Variants in TECPR2 observed in about 807,000 individuals in gnomAD.
TECPR2 encodes the protein tectonin beta-propeller repeat-containing protein 2.
A neutral mutation model predicts 138.1 loss-of-function variants in TECPR2; 65 were observed. The ratio of observed to expected loss-of-function variants is 0.47; its 90% CI spans 0.39 to 0.58. The LOEUF is 0.58. Ranked by LOEUF, TECPR2 falls within the 20% of genes least tolerant of loss-of-function variation. TECPR2 has a pLI of 0.00. For missense variants in TECPR2, 1,553 were observed against 1,824.5 expected (o/e 0.85, Z 2.71); for synonymous variants, 746 against 749.8 (o/e 0.99, Z 0.08).
chr14:102,462,438 T>C (rs1326827335), intron 16 of TECPR2, among the ~76,000 whole-genome samples: 1 of 152,224 alleles, frequency 6.6e-6, no homozygotes, highest in East Asian at 1.9e-4. Flanking sequence ...TTGTCATCTT[T>C]AGAAAATGCA....
intron 4 of TECPR2, among the ~76,000 whole-genome samples, chr14:102,414,433 T>A (rs932933625): frequency 6.6e-6 from 1 of 152,214 alleles, no homozygotes; most frequent in South Asian, 2.1e-4. Flanking sequence ...ATGAGGGAGA[T>A]GTTAGTATGG....
chr14:102,490,136 C>T (rs878883520), intron 17 of TECPR2, among the ~76,000 whole-genome samples: 3 of 152,186 alleles, frequency 2.0e-5, no homozygotes. Flanking sequence ...GTTAACCCCA[C>T]GCGGCACCTT....
chr14:102,400,043 CTTTTCT>C (rs749763585), intron 2 of TECPR2, among the ~76,000 whole-genome samples: 53 of 142,548 alleles, frequency 3.7e-4, no homozygotes, highest in Non-Finnish European at 4.6e-4. Flanking sequence ...ATTTTCTTTT[CTTTTCT>C]TTTTTTTTTT....
At chr14:102,451,066 G>A (rs116433051) in intron 15 of TECPR2, among the ~76,000 whole-genome samples, 1,581 of 152,320 alleles carry the variant, frequency 0.01, 30 homozygotes, top group African/African-American at 0.036. Context: ...ACCTAAGTCC[G>A]ACATTTGCAC....
At position 102,432,054 on chromosome 14, in the gene TECPR2, G is replaced by A. The variant is rs1481923959; in HGVS notation, c.1343G>A (p.Ser448Asn). 1.2e-6 allele frequency: 2 copies of A among 1,612,424 alleles called. No individual in the cohort carries two copies. The highest frequency in any genetic ancestry group is 1.7e-6 in the Non-Finnish European group (2 of 1,179,590). The change falls in exon 8 of 20, where the codon AGC becomes AAC. Residue 448 changes from serine (S) to asparagine (N), a missense_variant. Coordinates refer to ENST00000359520, the MANE Select transcript of TECPR2 (RefSeq NM_014844.5). ...QPLSQRFNAI[S>N]SEDFDQELVV... ...CTGTCACAGAGATTCAACGCCATCA[G>A]CTCAGAGGACTTTGACCAGGAGCTT...
At chr14:102,455,708 T>A (rs1890260605) in intron 16 of TECPR2, among the ~76,000 whole-genome samples, 1 of 152,156 alleles carries the variant, frequency 6.6e-6, no homozygotes, top group African/African-American at 2.4e-5. Context: ...CCTCCCAGGT[T>A]CAAGCAATTC....
chr14:102,429,196 C>T (rs530623735), intron 7 of TECPR2, among the ~76,000 whole-genome samples: 14 of 152,260 alleles, frequency 9.2e-5, no homozygotes, highest in African/African-American at 2.6e-4. Flanking sequence ...TTGAAAGTCA[C>T]CTACTTTAAG....
chr14:102,484,071 A>G (rs1014094029), intron 17 of TECPR2, among the ~76,000 whole-genome samples: 25 of 151,828 alleles, frequency 1.6e-4, no homozygotes, highest in African/African-American at 2.4e-4. Context: ...TGCTGGGATT[A>G]CAGGCATTAG....
chr14:102,482,734 G>A (rs922152972), intron 17 of TECPR2, among the ~76,000 whole-genome samples: 1 of 152,030 alleles, frequency 6.6e-6, no homozygotes, highest in Non-Finnish European at 1.5e-5. Context: ...GACCTTGCTG[G>A]ATATAGCAGT....
chr14:102,384,076 C>T (rs1461833066), intron 2 of TECPR2, among the ~76,000 whole-genome samples: 7 of 151,496 alleles, frequency 4.6e-5, no homozygotes, highest in African/African-American at 1.7e-4. Flanking sequence ...TGTGCCACCC[C>T]ATCTGGCTAA....
intron 18 of TECPR2, 27 bp downstream of exon 18, chr14:102,497,147 G>C (rs1891305397): frequency 6.2e-7 from 1 of 1,602,096 alleles, no homozygotes; most frequent in African/African-American, 1.3e-5. Context: ...AGGGCCTGTG[G>C]TGCCGGCCAG....
intron 17 of TECPR2, among the ~76,000 whole-genome samples, chr14:102,467,527 A>G (rs923537716): frequency 3.3e-5 from 5 of 151,286 alleles, no homozygotes; most frequent in African/African-American, 1.2e-4. Flanking sequence ...GTTTCACCAT[A>G]TTGGTCAGGC....
At chr14:102,435,319 T>G (rs538920359) in intron 9 of TECPR2, 108 bp downstream of exon 9, 5 of 1,449,216 alleles carry the variant, frequency 3.5e-6, no homozygotes, top group Non-Finnish European at 4.6e-6. Context: ...CTATTCCTAC[T>G]GCAAAATCCG....
At chr14:102,492,972 G>T (rs1891188623) in intron 17 of TECPR2, among the ~76,000 whole-genome samples, 1 of 152,200 alleles carries the variant, frequency 6.6e-6, no homozygotes, top group Admixed American at 6.5e-5. Flanking sequence ...GAGAGAAGAG[G>T]AAAGGGATGC....
chr14:102,398,715 C>T (rs1288508176), intron 2 of TECPR2, among the ~76,000 whole-genome samples: 10 of 152,038 alleles, frequency 6.6e-5, no homozygotes, highest in African/African-American at 1.2e-4. Context: ...ATTAGCCGGG[C>T]GAGGTGGCAT....
intron 10 of TECPR2, 122 bp downstream of exon 10, chr14:102,438,327 G>T (rs533712131): frequency 1.6e-6 from 2 of 1,286,844 alleles, no homozygotes; most frequent in African/African-American, 1.5e-5. Context: ...TCACGCTGCC[G>T]TGCGTTCACC....
chr14:102,404,586 T>G (rs1382029730), intron 2 of TECPR2, among the ~76,000 whole-genome samples: 1 of 151,864 alleles, frequency 6.6e-6, no homozygotes, highest in Non-Finnish European at 1.5e-5. Context: ...GAAATTTTTT[T>G]TTTTTTTTGA....
chr14:102,447,285 T>C (rs1890009193), intron 13 of TECPR2, among the ~76,000 whole-genome samples: 1 of 151,922 alleles, frequency 6.6e-6, no homozygotes, highest in Non-Finnish European at 1.5e-5. Context: ...CCTGGCTAAT[T>C]ATTTTGGTAG....
rs182132750 is a variant in TECPR2 at position 102,367,272 on chromosome 14, T to A, written c.-73+4156T>A. Among the ~76,000 whole-genome samples the A allele has an allele frequency of 4.2e-3, 645 of 152,296 alleles. 3 individuals carry two copies. Among genetic ancestry groups the A allele is most frequent in the Non-Finnish European group, 5.5e-3 (372 of 68,026 alleles). Reference sequence around the variant, plus strand: ...GTAACAGCTTTATTGAGATATAATTTACATGCCACACAGTTCACCCATTTA... The same window carrying A: ...GTAACAGCTTTATTGAGATATAATTAACATGCCACACAGTTCACCCATTTA... On this transcript the variant is annotated intron_variant, in intron 1 of 19. Coordinates refer to ENST00000359520, the MANE Select transcript of TECPR2 (RefSeq NM_014844.5).
Sources: gnomAD v4.1 joint callset for allele counts (sites outside exome capture counted in the v4.1 genomes callset) on GRCh38, gnomAD v4.1.1 for gene constraint, MANE v1.5 for transcripts, NCBI Gene and HGNC (gene_info 2026-07-23, HGNC 2026-07-21) for gene names.